The following PRDM2 variants were observed in gnomAD, a reference collection of about 807,000 sequenced individuals.
PRDM2 encodes the protein PR domain zinc finger protein 2.
Under a neutral mutation model 130.0 loss-of-function variants are expected in PRDM2, and 30 were observed. The observed-to-expected ratio is 0.23, with a 90% confidence interval of 0.17 to 0.31. PRDM2 has a LOEUF of 0.31. Among genes scored for constraint, PRDM2 ranks in the 10% least tolerant of loss-of-function variants. The pLI is 1.00. For synonymous variants in PRDM2, 871 were observed against 782.4 expected (o/e 1.11, Z -1.89); for missense variants, 2,011 against 2,108.4 (o/e 0.95, Z 0.90).
At chr1:13,754,591 A>G (rs1003601446) in intron 6 of PRDM2, among the ~76,000 whole-genome samples, 8 of 152,236 alleles carry the variant, frequency 5.3e-5, no homozygotes, top group African/African-American at 1.9e-4. Context: ...AGTTGAACTT[A>G]GAGAATACAT....
chr1:13,805,725 G>T (rs58129741), intron 8 of PRDM2, among the ~76,000 whole-genome samples: 1 of 152,194 alleles, frequency 6.6e-6, no homozygotes, highest in Admixed American at 6.5e-5. Flanking sequence ...TGCGGCCAGC[G>T]ATGTGGCCTA....
At chr1:13,768,376 C>A (rs1001064963) in intron 6 of PRDM2, among the ~76,000 whole-genome samples, 8 of 151,288 alleles carry the variant, frequency 5.3e-5, no homozygotes, top group Non-Finnish European at 1.0e-4. Context: ...AGCCACCGCG[C>A]CCGGCCTTCT....
chr1:13,743,329 G>C (rs1308540435), intron 5 of PRDM2, among the ~76,000 whole-genome samples: 1 of 149,574 alleles, frequency 6.7e-6, no homozygotes, highest in Non-Finnish European at 1.5e-5. Flanking sequence ...GAACCTGGGA[G>C]GGAGGGTTTG....
At chr1:13,787,402 C>T (rs1401760390) in intron 8 of PRDM2, 2 of 984,024 alleles carry the variant, frequency 2.0e-6, no homozygotes, top group Non-Finnish European at 2.4e-6. Flanking sequence ...TTTATCCTTA[C>T]ATTTTATGCC....
intron 4 of PRDM2, among the ~76,000 whole-genome samples, chr1:13,741,494 T>C (rs115186109): frequency 0.018 from 2,798 of 152,246 alleles, 62 homozygotes; most frequent in South Asian, 0.12. Flanking sequence ...CCCTGCCACC[T>C]CTGCCAGAAA....
intron 9 of PRDM2, among the ~76,000 whole-genome samples, chr1:13,820,485 C>A (rs1645331393): frequency 1.3e-5 from 2 of 152,242 alleles, no homozygotes; most frequent in African/African-American, 4.8e-5. Flanking sequence ...CCTGTCTTCA[C>A]CCCGTGTCTT....
At chr1:13,701,730 T>C (rs1642079217) in intron 1 of PRDM2, among the ~76,000 whole-genome samples, 1 of 152,236 alleles carries the variant, frequency 6.6e-6, no homozygotes. Flanking sequence ...GAACTAAAAC[T>C]CATTTACATT....
At chr1:13,809,737 G>A (rs980999551) in intron 8 of PRDM2, among the ~76,000 whole-genome samples, 2 of 152,208 alleles carry the variant, frequency 1.3e-5, no homozygotes, top group African/African-American at 2.4e-5. Flanking sequence ...ACAGGCTGTG[G>A]TCCAGACCCC....
At chr1:13,802,330 C>A (rs923385491) in intron 8 of PRDM2, among the ~76,000 whole-genome samples, 2 of 152,182 alleles carry the variant, frequency 1.3e-5, no homozygotes, top group African/African-American at 4.8e-5. Flanking sequence ...CTGGTTTTGA[C>A]CTCTTGGGTA....
chr1:13,808,794 GC>G (rs1264491872), intron 8 of PRDM2, among the ~76,000 whole-genome samples: 2 of 152,168 alleles, frequency 1.3e-5, no homozygotes, highest in African/African-American at 2.4e-5. Context: ...AGACCTTACG[GC>G]CCCCTGGGGA....
intron 1 of PRDM2, among the ~76,000 whole-genome samples, chr1:13,702,587 T>C (rs1216814085): frequency 2.0e-5 from 3 of 152,236 alleles, no homozygotes; most frequent in African/African-American, 7.2e-5. Context: ...GTTATGTACA[T>C]ATATCTGCGC....
At chr1:13,816,331 G>T in intron 8 of PRDM2, 96 bp from the exon 9 acceptor site, 2 of 1,475,492 alleles carry the variant, frequency 1.4e-6, no homozygotes, top group Non-Finnish European at 1.8e-6. Context: ...CCTGGCCTGG[G>T]AAGTGGTGAC....
chr1:13,759,340 A>G (rs1015862720), intron 6 of PRDM2, among the ~76,000 whole-genome samples: 5 of 152,154 alleles, frequency 3.3e-5, no homozygotes, highest in Admixed American at 6.5e-5. Context: ...ATTATGTGCA[A>G]TGTTTGAAGT....
At chr1:13,750,071 G>A (rs1363378440) in intron 6 of PRDM2, among the ~76,000 whole-genome samples, 1 of 152,216 alleles carries the variant, frequency 6.6e-6, no homozygotes, top group Non-Finnish European at 1.5e-5. Flanking sequence ...TGCCCAGGGG[G>A]ATGTGGAAGT....
intron 6 of PRDM2, among the ~76,000 whole-genome samples, chr1:13,757,718 G>C (rs1643991186): frequency 6.6e-6 from 1 of 150,886 alleles, no homozygotes; most frequent in African/African-American, 2.4e-5. Flanking sequence ...TTCAGCTTTA[G>C]GTGGTGACAT....
In PRDM2 at chr1:13,786,020, A is replaced by G. The variant is rs557915784; in HGVS notation, c.5036+3189A>G. Among the ~76,000 whole-genome samples the G allele has an allele frequency of 1.1e-3, 171 of 151,188 alleles. 3 individuals carry two copies. In the South Asian group the frequency reaches 0.035, roughly 31 times the overall value. Reference sequence around the variant, plus strand: ...TGCCCGGCTAATTTTTTGTATTTTTAGTAGAGATGGGGTTTCACCGTGTTA... The same window carrying G: ...TGCCCGGCTAATTTTTTGTATTTTTGGTAGAGATGGGGTTTCACCGTGTTA... On this transcript the variant is annotated intron_variant, in intron 8 of 9. Transcript: ENST00000311066.
intron 8 of PRDM2, among the ~76,000 whole-genome samples, chr1:13,813,333 C>T (rs187639688): frequency 1.3e-5 from 2 of 152,230 alleles, no homozygotes; most frequent in East Asian, 3.9e-4. Flanking sequence ...CCTTGGTCCT[C>T]GGTATTTAAC....
At chr1:13,716,952 G>A (rs1280341284) in intron 2 of PRDM2, among the ~76,000 whole-genome samples, 1 of 149,802 alleles carries the variant, frequency 6.7e-6, no homozygotes, top group Non-Finnish European at 1.5e-5. Flanking sequence ...TTTTTTTCAT[G>A]TACAGGTGAC....
intron 6 of PRDM2, among the ~76,000 whole-genome samples, chr1:13,768,042 GAGAA>G (rs988290794): frequency 4.0e-5 from 6 of 150,460 alleles, no homozygotes; most frequent in African/African-American, 1.5e-4. Flanking sequence ...TAACTATTAA[GAGAA>G]AGAACATTTT....
Sources: allele counts gnomAD v4.1 joint callset (sites outside exome capture counted in the v4.1 genomes callset), GRCh38; gene constraint gnomAD v4.1.1; transcripts MANE v1.5; gene names NCBI Gene and HGNC (gene_info 2026-07-23, HGNC 2026-07-21).